Variants in UBR4 observed in about 807,000 individuals in gnomAD.
UBR4 encodes the protein ubiquitin protein ligase E3 component n-recognin 4, also known as E3 ubiquitin-protein ligase UBR4.
In UBR4, 124 loss-of-function variants were observed where a neutral mutation model predicts 575.6. The ratio of observed to expected loss-of-function variants is 0.22; its 90% CI spans 0.19 to 0.25. The LOEUF is 0.25. Among genes scored for constraint, UBR4 ranks in the 10% least tolerant of loss-of-function variants. The probability of loss-of-function intolerance (pLI) is 1.00; values close to 1 mark genes in which losing one functional copy is unlikely to be tolerated. For missense variants in UBR4, 4,818 were observed against 6,478.8 expected, an observed-to-expected ratio of 0.74 and a Z score of 8.80; for synonymous variants, 2,455 against 2,473.7, an observed-to-expected ratio of 0.99 and a Z score of 0.22.
rs16862547 is a variant in UBR4 at position 19,117,458 on chromosome 1, G to A, written c.10630-44C>T. ...AAAACATGGTATTAGTTCAAGACTC[G>A]TACTGCCTTTTTAAAAATTCATCAG... On this transcript the variant is annotated intron_variant, in intron 72 of 105. Coordinates refer to ENST00000375254, the MANE Select transcript of UBR4 (RefSeq NM_020765.3). The surrounding 1 kb of genome is among the most constrained non-coding windows in gnomAD (Gnocchi z 4.0). 0.011 allele frequency: 17,617 copies of A among 1,585,802 alleles called. 1,199 individuals carry two copies. In the African/African-American group the frequency reaches 0.17, roughly 16 times the overall value.
At chr1:19,141,231 A>G in intron 57 of UBR4, 116 bp downstream of exon 57, 2 of 1,423,132 alleles carry the variant, frequency 1.4e-6, no homozygotes, top group Non-Finnish European at 1.9e-6. Flanking sequence ...TCTCACCCAG[A>G]TCAACCTCTC....
At chr1:19,127,420 T>C (rs1051228134) in intron 63 of UBR4, among the ~76,000 whole-genome samples, 4 of 152,184 alleles carry the variant, frequency 2.6e-5, no homozygotes, top group South Asian at 2.1e-4. Flanking sequence ...ATTGGAGGGA[T>C]TGTTACCAAA....
At chr1:19,099,508 G>C (rs2078400998) in intron 90 of UBR4, 89 bp downstream of exon 90, 6 of 1,192,408 alleles carry the variant, frequency 5.0e-6, no homozygotes, top group South Asian at 1.3e-5. Flanking sequence ...AGCCAGGTAA[G>C]TGATGATGAA....
intron 65 of UBR4, 139 bp from the exon 66 acceptor site, chr1:19,123,199 C>T (rs922083997): frequency 1.1e-6 from 1 of 904,364 alleles, no homozygotes. Context: ...CAGCTGTAAT[C>T]CCAGCACTTT....
At chr1:19,193,152 C>T (rs1233284886) in intron 9 of UBR4, among the ~76,000 whole-genome samples, 4 of 152,164 alleles carry the variant, frequency 2.6e-5, no homozygotes, top group African/African-American at 9.7e-5. Context: ...TACTGCATTT[C>T]CCTAAAAGTA....
At chr1:19,145,386 T>G (rs2084697006) in intron 53 of UBR4, among the ~76,000 whole-genome samples, 1 of 152,178 alleles carries the variant, frequency 6.6e-6, no homozygotes, top group Non-Finnish European at 1.5e-5. Flanking sequence ...GAATTTTCAA[T>G]AGTGTAAGAA....
chr1:19,087,073 G>A (rs984317722), intron 99 of UBR4, among the ~76,000 whole-genome samples: 2 of 152,262 alleles, frequency 1.3e-5, no homozygotes, highest in African/African-American at 4.8e-5. Context: ...CAGATGCAGA[G>A]GCATACACAT....
At chr1:19,097,056 C>A in intron 91 of UBR4, 137 bp downstream of exon 91, 1 of 623,286 alleles carries the variant, frequency 1.6e-6, no homozygotes, top group Non-Finnish European at 2.5e-6. Flanking sequence ...TTTTTTTCCT[C>A]AATTGAAGAA....
At chr1:19,193,404 G>A in intron 9 of UBR4, 29 bp downstream of exon 9, 2 of 1,610,070 alleles carry the variant, frequency 1.2e-6, no homozygotes, top group Admixed American at 1.7e-5. Flanking sequence ...AACAATCAAG[G>A]TTCCCTTATC....
intron 1 of UBR4, among the ~76,000 whole-genome samples, chr1:19,202,107 T>C (rs1571826314): frequency 6.6e-6 from 1 of 152,090 alleles, no homozygotes; most frequent in Non-Finnish European, 1.5e-5. Context: ...GCAGGAGAAT[T>C]GCTTGAACCT....
chr1:19,122,805 C>A, intron 66 of UBR4, 28 bp downstream of exon 66: 1 of 1,613,588 alleles, frequency 6.2e-7, no homozygotes, highest in Non-Finnish European at 8.5e-7. Context: ...TCCCCCCTCC[C>A]TGCCCTACCA....
Position 19,081,243 on chromosome 1 carries a change from G to A in UBR4, c.15233+106C>T, listed in dbSNP as rs145290935. 4.2e-4 allele frequency: 406 copies of A among 967,192 alleles called. 1 individual carries two copies. Among genetic ancestry groups the A allele is most frequent in the African/African-American group, 3.2e-3 (193 of 61,246 alleles). The allele number at this position is 967,192 out of a possible 1,614,324, so 59.9% of individuals were successfully genotyped here. A position where few individuals can be genotyped will look rare whatever the true frequency, so the allele number is the denominator to read the frequency against. On this transcript the variant is annotated intron_variant, in intron 103 of 105. Transcript: ENST00000375254. The stretch of plus-strand genomic sequence containing the variant: ...GGGAGAAGGGCTGGTGTCAACCACC[G>A]CAGTCACAAAGCATGCCTTCACCTA...
chr1:19,152,880 T>A lies in UBR4; in HGVS notation c.6833-404A>T, dbSNP rs891144114. Among the ~76,000 whole-genome samples the A allele has an allele frequency of 6.6e-6, 1 of 152,234 alleles. No individual in the cohort carries two copies. Among genetic ancestry groups the A allele is most frequent in the Non-Finnish European group, 1.5e-5 (1 of 68,036 alleles). ...TCTTTGCTTAGCTGGATTTGCTCAC[T>A]GCTAAACTCAAGCTTTCACTTTCCT... On this transcript the variant is annotated intron_variant, in intron 46 of 105. Transcript: ENST00000375254. This position sits in a 1 kb window ranked among gnomAD's most constrained non-coding sequence, Gnocchi z 4.4.
chr1:19,138,039 T>C lies in UBR4; in HGVS notation c.8874A>G (p.Gly2958=). Residue 2958 remains glycine (G), a synonymous_variant, in exon 60 of 106, where the codon GGA becomes GGG. Transcript: ENST00000375254. The part of the protein sequence containing the change: ...EGDGSEGEGE[G]ETEGDVHTSN... ...TAGTGTGGACATCTCCTTCAGTTTC[T>C]CCTTCTCCTTCTCCCTCGGAGCCAT... The C allele has an allele frequency of 6.3e-7, 1 of 1,576,428 alleles. No individual in the cohort carries two copies. Among genetic ancestry groups the C allele is most frequent in the Non-Finnish European group, 8.6e-7 (1 of 1,156,442 alleles).
chr1:19,139,276 AC>A lies in UBR4; in HGVS notation c.8594-57del. Reference sequence around the variant, plus strand: ...AAAAAACAAACAAACAAACAAACAAACAAAAAACAAAAAAAACCCCTCCTTG... The same window carrying A: ...AAAAAACAAACAAACAAACAAACAAAAAAAAACAAAAAAAACCCCTCCTTG... On this transcript the variant is annotated intron_variant, in intron 58 of 105. Transcript: ENST00000375254. This position sits in a 1 kb window ranked among gnomAD's most constrained non-coding sequence, Gnocchi z 4.2. 6.5e-7 allele frequency: 1 copy of A among 1,527,194 alleles called. No homozygotes were observed. The highest frequency in any genetic ancestry group is 2.3e-5 in the East Asian group (1 of 42,780). The allele number at this position is 1,527,194 out of a possible 1,614,324, so 94.6% of individuals were successfully genotyped here.
chr1:19,187,322 G>A (rs560816595), intron 12 of UBR4, 21 bp from the exon 13 acceptor site: 2 of 1,611,106 alleles, frequency 1.2e-6, no homozygotes, highest in South Asian at 2.2e-5. Context: ...TGATATCAAA[G>A]GGCAATTAAT....
Position 19,148,772 on chromosome 1 carries a change from C to G in UBR4, c.7431-146G>C, listed in dbSNP as rs537388263. 1.9e-5 allele frequency: 15 copies of G among 810,678 alleles called. No homozygotes were observed. The African/African-American group carries it at 2.2e-4, about 12-fold the overall frequency. 50.2% of individuals were successfully genotyped at this position (810,678 alleles called of 1,614,324 possible). ...AAAGCACAATAAGACCTGCCACAGG[C>G]ACCATGCATATCGTTTCCTACGTTA... is the stretch of plus-strand genomic sequence containing the variant. On this transcript the variant is annotated intron_variant, in intron 49 of 105. Transcript: ENST00000375254.
chr1:19,092,149 T>C (rs2077578932), intron 97 of UBR4, among the ~76,000 whole-genome samples: 1 of 152,072 alleles, frequency 6.6e-6, no homozygotes, highest in Non-Finnish European at 1.5e-5. Flanking sequence ...AGAGGGACCC[T>C]TGTGCTGATG....
intron 103 of UBR4, 67 bp from the exon 104 acceptor site, chr1:19,078,133 G>A: frequency 2.0e-6 from 3 of 1,515,538 alleles, no homozygotes; most frequent in South Asian, 2.3e-5. Context: ...ACAGAGCAAG[G>A]CATGCTGGGA....
Sources: gnomAD v4.1 joint callset for allele counts (sites outside exome capture counted in the v4.1 genomes callset) on GRCh38, gnomAD v4.1.1 for gene constraint, Gnocchi (gnomAD v3.1) non-coding constraint, MANE v1.5 for transcripts, NCBI Gene and HGNC (gene_info 2026-07-23, HGNC 2026-07-21) for gene names.